MAPK10: variants seen among roughly 807,000 people sequenced by gnomAD.
MAPK10 encodes the protein mitogen-activated protein kinase 10.
A neutral mutation model predicts 59.3 loss-of-function variants in MAPK10; 25 were observed. That is an observed-to-expected ratio of 0.42 (90% CI 0.31 to 0.59). The LOEUF (loss-of-function observed/expected upper bound fraction) is 0.59. Among genes scored for constraint, MAPK10 ranks in the 20% least tolerant of loss-of-function variants. The pLI is 0.15. For synonymous variants in MAPK10, 190 were observed against 200.5 expected, an observed-to-expected ratio of 0.95 and a Z score of 0.44; for missense variants, 351 against 568.9, an observed-to-expected ratio of 0.62 and a Z score of 3.90.
chr4:86,222,997 T>G (rs763306985), intron 2 of MAPK10, among the ~76,000 whole-genome samples: 56 of 152,254 alleles, frequency 3.7e-4, no homozygotes, highest in Non-Finnish European at 6.2e-4. Context: ...TTCCTGAAAA[T>G]TATTTAGCAA....
rs776584197 is a variant in MAPK10 at position 86,064,383 on chromosome 4, T to A, written c.993A>T (p.Gln331His). The change falls in exon 11 of 14, where the codon CAA becomes CAT. Residue 331 changes from glutamine (Q) to histidine (H), a missense_variant. This residue lies in a region of MAPK10 where 155 missense variants were observed against 204.2 expected (regional missense o/e 0.76). Coordinates refer to ENST00000641462, the MANE Select transcript of MAPK10 (RefSeq NM_138982.4). ...GCATCTTTGACAACAAGTCCCTGGC[T>A]TGGCTGGCTGAAACAATAAATGAGA... ...DSEHNKLKAS[Q>H]ARDLLSKMLV... The A allele has an allele frequency of 6.8e-6, 11 of 1,613,998 alleles. No homozygotes were observed. In the Admixed American group the frequency reaches 1.7e-4, roughly 24 times the overall value.
intron 2 of MAPK10, among the ~76,000 whole-genome samples, chr4:86,342,432 G>A (rs1011035301): frequency 6.6e-6 from 1 of 152,138 alleles, no homozygotes; most frequent in Non-Finnish European, 1.5e-5. Context: ...AATAGTTCCA[G>A]GCAGTATTTC....
At chr4:86,131,661 T>G (rs1328756415) in intron 4 of MAPK10, among the ~76,000 whole-genome samples, 1 of 152,214 alleles carries the variant, frequency 6.6e-6, no homozygotes, top group Non-Finnish European at 1.5e-5. Flanking sequence ...ATTAGTCAAT[T>G]GTTTCAGCAT....
chr4:86,286,653 C>T (rs2095023489), intron 2 of MAPK10, among the ~76,000 whole-genome samples: 1 of 152,098 alleles, frequency 6.6e-6, no homozygotes, highest in Non-Finnish European at 1.5e-5. Context: ...AGCAGAGATC[C>T]ACTCGGAGCA....
At chr4:86,093,304 G>A (rs1343112332) in intron 9 of MAPK10, among the ~76,000 whole-genome samples, 4 of 151,770 alleles carry the variant, frequency 2.6e-5, no homozygotes, top group Non-Finnish European at 5.9e-5. Flanking sequence ...ACACACCTAA[G>A]TATATTTTCA....
intron 11 of MAPK10, among the ~76,000 whole-genome samples, chr4:86,061,708 A>G (rs2148981944): frequency 6.6e-6 from 1 of 152,192 alleles, no homozygotes; most frequent in East Asian, 1.9e-4. Flanking sequence ...TTTATCCCCT[A>G]TCCACTTGCC....
intron 1 of MAPK10, among the ~76,000 whole-genome samples, chr4:86,424,391 C>T (rs576427325): frequency 2.0e-5 from 3 of 152,034 alleles, no homozygotes; most frequent in African/African-American, 4.8e-5. Flanking sequence ...GGTTTTACCA[C>T]GTTGGCCAGG....
intron 9 of MAPK10, chr4:86,080,921 T>A (rs561819938): frequency 4.6e-5 from 7 of 151,996 alleles, no homozygotes; most frequent in Non-Finnish European, 1.0e-4. Flanking sequence ...AGTAAGCCAA[T>A]TCTAAAATCT....
At chr4:86,533,393 A>T (rs1011086377) in intron 1 of MAPK10, among the ~76,000 whole-genome samples, 2 of 152,246 alleles carry the variant, frequency 1.3e-5, no homozygotes, top group Non-Finnish European at 2.9e-5. Flanking sequence ...AAAAAAGATT[A>T]AAATGGTAAA....
intron 3 of MAPK10, among the ~76,000 whole-genome samples, chr4:86,183,460 GA>G (rs2077395171): frequency 1.3e-5 from 2 of 152,020 alleles, no homozygotes; most frequent in Non-Finnish European, 2.9e-5. Flanking sequence ...CCCTACAAAG[GA>G]CATGAACTCA....
intron 2 of MAPK10, among the ~76,000 whole-genome samples, chr4:86,291,677 C>G (rs2095232633): frequency 6.6e-6 from 1 of 152,102 alleles, no homozygotes; most frequent in South Asian, 2.1e-4. Flanking sequence ...TAATTCATTT[C>G]TAAGCACTGT....
At chr4:86,094,037 T>C (rs2053751842) in intron 9 of MAPK10, among the ~76,000 whole-genome samples, 1 of 151,938 alleles carries the variant, frequency 6.6e-6, no homozygotes, top group Non-Finnish European at 1.5e-5. Context: ...AGTTAGACTA[T>C]ATAGTAAGTT....
intron 1 of MAPK10, among the ~76,000 whole-genome samples, chr4:86,381,244 T>C (rs1222228171): frequency 6.6e-6 from 1 of 152,102 alleles, no homozygotes; most frequent in Non-Finnish European, 1.5e-5. Flanking sequence ...TGCCTCCCCT[T>C]CACTACCCTC....
intron 1 of MAPK10, among the ~76,000 whole-genome samples, chr4:86,375,664 A>G (rs1003723865): frequency 2.2e-5 from 3 of 136,758 alleles, no homozygotes; most frequent in African/African-American, 5.4e-5. Flanking sequence ...GCAGTGAGCC[A>G]TGAGCATTCC....
rs2055334053 is a variant in MAPK10, at chr4:86,101,315, T to A, written c.565-98A>T. 3.7e-6 allele frequency: 3 copies of A among 804,230 alleles called. No homozygotes were observed. The Admixed American group carries it at 6.7e-5, about 18-fold the overall frequency. The allele number at this position is 804,230 out of a possible 1,614,324, so 49.8% of individuals were successfully genotyped here. A position where few individuals can be genotyped will look rare whatever the true frequency, so the allele number is the denominator to read the frequency against. On this transcript the variant is annotated intron_variant, in intron 7 of 13. Transcript: ENST00000641462. ...CATAGCCATTTTGCAGTAGCACTGA[T>A]GAGGTCCCCCTTGCCTACAGAGCTC... is the stretch of plus-strand genomic sequence containing the variant.
intron 13 of MAPK10, among the ~76,000 whole-genome samples, chr4:86,026,150 C>T (rs1053817265): frequency 1.3e-5 from 2 of 152,114 alleles, no homozygotes; most frequent in African/African-American, 4.8e-5. Context: ...AATCTCTGCC[C>T]ATCCTGTTGT....
Position 86,428,108 on chromosome 4 carries a change from G to T in MAPK10, c.-122+24922C>A, listed in dbSNP as rs1747538419. 2.6e-5 allele frequency among the ~76,000 whole-genome samples: 4 copies of T among 151,138 alleles called. No individual in the cohort carries two copies. The South Asian group carries it at 8.4e-4, about 32-fold the overall frequency. ...AAGGGCTGAAGAAAGCAGAAGCAGA[G>T]AACAAAAAGCAGATTGGTGTTTTCA... On this transcript the variant is annotated intron_variant, in intron 1 of 13. Coordinates refer to the MAPK10 transcript ENST00000361569.
At chr4:86,078,052 T>A (rs575423187) in intron 9 of MAPK10, among the ~76,000 whole-genome samples, 1 of 152,246 alleles carries the variant, frequency 6.6e-6, no homozygotes, top group East Asian at 1.9e-4. Flanking sequence ...ATATCCCTCC[T>A]CCCTACTCAT....
intron 9 of MAPK10, among the ~76,000 whole-genome samples, chr4:86,070,819 CTT>C (rs1465511966): frequency 6.6e-6 from 1 of 151,902 alleles, no homozygotes; most frequent in African/African-American, 2.4e-5. Flanking sequence ...GGTTCCAAGT[CTT>C]TGCTATTGTG....
Sources: gnomAD v4.1 joint callset for allele counts (sites outside exome capture counted in the v4.1 genomes callset) on GRCh38, gnomAD v4.1.1 for gene constraint, gnomAD v4.1.1 regional missense constraint, MANE v1.5 for transcripts, NCBI Gene and HGNC (gene_info 2026-07-23, HGNC 2026-07-21) for gene names.